SULT1E1: variants seen among roughly 807,000 people sequenced by gnomAD.
SULT1E1 encodes sulfotransferase 1E1.
A neutral mutation model predicts 33.6 loss-of-function variants in SULT1E1; 36 were observed. The ratio of observed to expected loss-of-function variants is 1.07; its 90% confidence interval spans 0.82 to 1.41. SULT1E1 has a LOEUF of 1.41. Among genes scored for constraint, SULT1E1 ranks in the 40% most tolerant of loss-of-function variants. SULT1E1 has a pLI of 0.00. For synonymous variants in SULT1E1, 121 were observed against 111.7 expected (o/e 1.08, Z -0.53); for missense variants, 371 against 345.7 (o/e 1.07, Z -0.58).
At chr4:69,851,802 G>C (rs1721118440) in intron 4 of SULT1E1, among the ~76,000 whole-genome samples, 1 of 152,102 alleles carries the variant, frequency 6.6e-6, no homozygotes, top group African/African-American at 2.4e-5. Context: ...CCATAAAAAA[G>C]AATGAGTTCA....
At chr4:69,840,944 G>C (rs1006199367), downstream of SULT1E1, among the ~76,000 whole-genome samples, 1 of 152,092 alleles carries the variant, frequency 6.6e-6, no homozygotes, top group African/African-American at 2.4e-5. Flanking sequence ...TACTTGGAAG[G>C]CTGAGGCAGG....
intron 2 of SULT1E1, among the ~76,000 whole-genome samples, chr4:69,857,217 T>C (rs751836484): frequency 6.6e-6 from 1 of 152,160 alleles, no homozygotes; most frequent in Non-Finnish European, 1.5e-5. Context: ...AGGTAAACAG[T>C]TGGTAGTTTT....
At chr4:69,851,383 T>C (rs1721100431) in intron 4 of SULT1E1, among the ~76,000 whole-genome samples, 1 of 152,146 alleles carries the variant, frequency 6.6e-6, no homozygotes, top group Non-Finnish European at 1.5e-5. Flanking sequence ...ATGCTCAGCA[T>C]CACTGGCCAT....
In SULT1E1 at chr4:69,841,702, A is replaced by G. The variant is rs189845599; in HGVS notation, c.*292T>C. The G allele has an allele frequency of 1.5e-4, 30 of 203,700 alleles. No individual in the cohort carries two copies. In the East Asian group the frequency reaches 3.9e-3, roughly 26 times the overall value. The allele number at this position is 203,700 out of a possible 1,614,324, so 12.6% of individuals were successfully genotyped here. A position where few individuals can be genotyped will look rare whatever the true frequency, so the allele number is the denominator to read the frequency against. ...AAAACATTAAAAAAATTAGCCAAAC[A>G]TGGTTGCACATGTCTGTAGTCCTAG... On this transcript the variant is annotated 3_prime_UTR_variant, in exon 8 of 8. Transcript: ENST00000226444.
At chr4:69,853,075 T>C (rs1721159749) in intron 4 of SULT1E1, among the ~76,000 whole-genome samples, 1 of 152,168 alleles carries the variant, frequency 6.6e-6, no homozygotes, top group African/African-American at 2.4e-5. Context: ...TTTTTGTCTG[T>C]AGATCTCCAG....
chr4:69,845,876 C>T (rs1195483817), intron 6 of SULT1E1, among the ~76,000 whole-genome samples: 2 of 150,802 alleles, frequency 1.3e-5, no homozygotes, highest in Admixed American at 1.3e-4. Flanking sequence ...ATCATGACTG[C>T]TTTTCTTATT....
At chr4:69,853,838 T>C (rs923337894) in intron 4 of SULT1E1, among the ~76,000 whole-genome samples, 1 of 152,138 alleles carries the variant, frequency 6.6e-6, no homozygotes, top group East Asian at 1.9e-4. Context: ...TCAATACAAT[T>C]AGTAATAACA....
the SULT1E1 span, among the ~76,000 whole-genome samples, chr4:69,830,433 T>C: frequency 6.6e-6 from 1 of 152,228 alleles, no homozygotes; most frequent in African/African-American, 2.4e-5. Flanking sequence ...TTGAACAGGG[T>C]GTACAACCGA....
chr4:69,825,326 C>T, the SULT1E1 span, among the ~76,000 whole-genome samples: 12 of 151,964 alleles, frequency 7.9e-5, no homozygotes, highest in Non-Finnish European at 1.5e-4. Context: ...TAACACTCAC[C>T]GCGAGGGTCT....
At chr4:69,860,002 A>G (rs984032147) in intron 1 of SULT1E1, 47 bp downstream of exon 1, 1 of 152,040 alleles carries the variant, frequency 6.6e-6, no homozygotes, top group East Asian at 1.9e-4. Context: ...TCTATATTTT[A>G]TATATCTAAA....
rs867171479 is a variant in SULT1E1, at chr4:69,854,069, C to G, written c.369+148G>C. On this transcript the variant is annotated intron_variant, in intron 4 of 7. Coordinates refer to ENST00000226444, the MANE Select transcript of SULT1E1 (RefSeq NM_005420.3). ...GAGTTGGAATTAAAATATAGACTCT[C>G]TGACAATATTGACTGTATTTATTCC... The G allele has an allele frequency of 7.8e-6, 4 of 511,178 alleles. No individual in the cohort carries two copies. In the South Asian group the frequency reaches 1.6e-4, roughly 20 times the overall value. The allele number at this position is 511,178 out of a possible 1,614,324, so 31.7% of individuals were successfully genotyped here. A position where few individuals can be genotyped will look rare whatever the true frequency, so the allele number is the denominator to read the frequency against.
chr4:69,823,805 CAA>C, the SULT1E1 span, among the ~76,000 whole-genome samples: 1 of 152,124 alleles, frequency 6.6e-6, no homozygotes, highest in African/African-American at 2.4e-5. Flanking sequence ...TTCCTGTAGG[CAA>C]AGACTGTGCC....
At chr4:69,852,965 C>G (rs1721158063) in intron 4 of SULT1E1, among the ~76,000 whole-genome samples, 1 of 152,006 alleles carries the variant, frequency 6.6e-6, no homozygotes, top group African/African-American at 2.4e-5. Context: ...CTGGTCTTTA[C>G]TAATGAGACA....
At chr4:69,826,278 T>A in the SULT1E1 span, among the ~76,000 whole-genome samples, 1 of 152,144 alleles carries the variant, frequency 6.6e-6, no homozygotes, top group Non-Finnish European at 1.5e-5. Context: ...TGCTTAGGAC[T>A]CTAACAGGTT....
In SULT1E1 at chr4:69,841,751, G is replaced by A. The variant is rs542718401; in HGVS notation, c.*243C>T. On this transcript the variant is annotated 3_prime_UTR_variant, in exon 8 of 8. Transcript: ENST00000226444. ...AGCTACTTGGGAGGCTGAGATGGGA[G>A]GATCAATTGAGTCAAGGAGGTCAAG... The A allele has an allele frequency of 9.7e-6, 3 of 308,634 alleles. No individual in the cohort carries two copies. Among genetic ancestry groups the A allele is most frequent in the Non-Finnish European group, 1.8e-5 (3 of 170,786 alleles). 19.1% of individuals were successfully genotyped at this position (308,634 alleles called of 1,614,324 possible). A position where few individuals can be genotyped will look rare whatever the true frequency, so the allele number is the denominator to read the frequency against.
At chr4:69,840,986 C>T (rs1391904217), downstream of SULT1E1, among the ~76,000 whole-genome samples, 3 of 152,040 alleles carry the variant, frequency 2.0e-5, no homozygotes, top group African/African-American at 7.2e-5. Flanking sequence ...GTGGAGCTTG[C>T]AGTGAGCATG....
At chr4:69,836,215 C>A (rs1720795022), downstream of SULT1E1, among the ~76,000 whole-genome samples, 1 of 152,064 alleles carries the variant, frequency 6.6e-6, no homozygotes, top group Non-Finnish European at 1.5e-5. Flanking sequence ...ACATAAAGAG[C>A]CATTCTCAAT....
At chr4:69,840,129 C>G (rs189831934), downstream of SULT1E1, among the ~76,000 whole-genome samples, 1 of 152,098 alleles carries the variant, frequency 6.6e-6, no homozygotes, top group East Asian at 1.9e-4. Flanking sequence ...CTGATTCCCC[C>G]GGTAAACACT....
chr4:69,850,121 C>T (rs1240092733), intron 4 of SULT1E1, among the ~76,000 whole-genome samples: 1 of 151,960 alleles, frequency 6.6e-6, no homozygotes, highest in Non-Finnish European at 1.5e-5. Context: ...TTGTTAGTTT[C>T]CATTTTACAT....
Sources: gnomAD v4.1 joint callset for allele counts (sites outside exome capture counted in the v4.1 genomes callset) on GRCh38, gnomAD v4.1.1 for gene constraint, MANE v1.5 for transcripts, NCBI Gene and HGNC (gene_info 2026-07-23, HGNC 2026-07-21) for gene names.